The following ATRX variants were observed in gnomAD, a reference collection of about 807,000 sequenced individuals.
ATRX encodes the protein chromatin remodeler ATRX.
ATRX carries 12 observed loss-of-function variants against 172.6 expected under a neutral mutation model. The ratio of observed to expected loss-of-function variants is 0.07; its 90% CI spans 0.04 to 0.11. ATRX has a LOEUF of 0.11. ATRX is among the 10% of genes least tolerant of loss of function. The probability of loss-of-function intolerance (pLI) is 1.00; values close to 1 mark genes in which losing one functional copy is unlikely to be tolerated. For missense variants in ATRX, 1,368 were observed against 1,767.4 expected (o/e 0.77, Z 4.05); for synonymous variants, 674 against 594.7 (o/e 1.13, Z -1.94).
chrX:77,550,542 T>C (rs1019945703), intron 30 of ATRX, among the ~76,000 whole-genome samples: 1 of 111,637 alleles, frequency 9.0e-6, no homozygotes, highest in East Asian at 2.8e-4. Context: ...AGTATTCCCT[T>C]TGAAAACTGG....
chrX:77,557,557 T>TGACGC lies in ATRX; in HGVS notation c.6588_6592dup (p.His2198ArgfsTer6), dbSNP rs1557059656. On this transcript the variant is annotated frameshift_variant, in exon 30 of 35. Coordinates refer to ENST00000373344, the MANE Select transcript of ATRX (RefSeq NM_000489.6). LOFTEE classifies it high-confidence loss of function. ...TTCAGTAAGCTCATTCATAGTAAAA[T>TGACGC]GACGCTCCACCTGCTGCTGATCAAC... The TGACGC allele has an allele frequency of 8.3e-7, 1 of 1,209,734 alleles. No homozygotes were observed. Among genetic ancestry groups the TGACGC allele is most frequent in the Admixed American group, 2.2e-5 (1 of 45,832 alleles).
Position 77,782,126 on chromosome X carries a change from T to C in ATRX, c.20+3856A>G, listed in dbSNP as rs186750473. Among the ~76,000 whole-genome samples, 321 of 112,149 alleles carry C rather than the reference T, an allele frequency of 2.9e-3. 4 individuals carry two copies. Among genetic ancestry groups the C allele is most frequent in the African/African-American group, 0.01 (311 of 30,924 alleles). The stretch of plus-strand genomic sequence containing the variant: ...CCAACCCATTACATAACCAAGCCAT[T>C]GATATTTAAATGCTTTTTAAAAACC... On this transcript the variant is annotated intron_variant, in intron 1 of 34. Coordinates refer to ENST00000373344, the MANE Select transcript of ATRX (RefSeq NM_000489.6).
At chrX:77,558,077 C>T (rs782147373) in intron 29 of ATRX, among the ~76,000 whole-genome samples, 1 of 110,568 alleles carries the variant, frequency 9.0e-6, no homozygotes, top group Admixed American at 9.7e-5. Context: ...CCATAAAATG[C>T]CTTTATATCG....
chrX:77,675,305 T>G (rs1557132843), intron 10 of ATRX: 1 of 111,830 alleles, frequency 8.9e-6, no homozygotes, highest in Admixed American at 9.5e-5. Context: ...GCCCAACTTT[T>G]TCTTCTTAAA....
intron 19 of ATRX, among the ~76,000 whole-genome samples, chrX:77,628,500 C>A (rs1161512982): frequency 1.8e-5 from 2 of 112,221 alleles, no homozygotes; most frequent in African/African-American, 6.5e-5. Flanking sequence ...AATTTTTTTA[C>A]ATAAAAAACC....
chrX:77,519,712 G>A (rs1184034417), intron 34 of ATRX, among the ~76,000 whole-genome samples: 3 of 112,025 alleles, frequency 2.7e-5, no homozygotes, highest in Non-Finnish European at 5.6e-5. Flanking sequence ...TGTTAGTAAC[G>A]TGTATTAGTA....
Position 77,599,789 on chromosome X carries a change from A to C in ATRX, c.5729T>G (p.Phe1910Cys). The C allele has an allele frequency of 8.3e-7, 1 of 1,208,548 alleles. No homozygotes were observed. The highest frequency in any genetic ancestry group is 1.1e-6 in the Non-Finnish European group (1 of 892,951). The change falls in exon 24 of 35, where the codon TTT (phenylalanine) becomes TGT (cysteine). Residue 1910 changes from phenylalanine (F) to cysteine (C), a missense_variant. Physicochemically the swap from Phe to Cys is radical, Grantham distance 205. This residue lies in a region of ATRX where 5 missense variants were observed against 36.2 expected (regional missense o/e 0.14). Transcript: ENST00000373344. ...GYFDEDSMDEFIASDSDETSM... is the reference protein window; with the variant it reads ...GYFDEDSMDECIASDSDETSM... ...GGTTTCATCAGAATCTGAGGCTATA[A>C]ATTCATCCATACTGTCTTCATCAAA... is the stretch of plus-strand genomic sequence containing the variant.
chrX:77,683,538 C>T lies in ATRX; in HGVS notation c.1718G>A (p.Gly573Asp), dbSNP rs2148616214. Residue 573 changes from glycine to aspartate, a missense_variant, in exon 9 of 35, where the codon GGT becomes GAT. By Grantham distance (94) the Gly-to-Asp change is moderately conservative. Coordinates refer to ENST00000373344, the MANE Select transcript of ATRX (RefSeq NM_000489.6). The part of the protein sequence containing the change: ...LNISSKDNRG[G>D]IKSKTTAKVT... The stretch of plus-strand genomic sequence containing the variant: ...TTTAGCTGTAGTTTTTGATTTAATA[C>T]CTCCTCTGTTGTCTTTTGAAGAAAT... 1.7e-6 allele frequency: 2 copies of T among 1,208,880 alleles called. No homozygotes were observed. Among genetic ancestry groups the T allele is most frequent in the Non-Finnish European group, 2.2e-6 (2 of 893,128 alleles).
At chrX:77,661,207 T>C (rs1299267437) in intron 12 of ATRX, among the ~76,000 whole-genome samples, 1 of 112,228 alleles carries the variant, frequency 8.9e-6, no homozygotes, top group African/African-American at 3.2e-5. Flanking sequence ...ATTGATAATG[T>C]GCACTTCTTT....
At position 77,653,004 on chromosome X, in the gene ATRX, T is replaced by TA. The variant is rs554448289; in HGVS notation, c.4318-652dup. On this transcript the variant is annotated intron_variant, in intron 14 of 34. Coordinates refer to ENST00000373344, the MANE Select transcript of ATRX (RefSeq NM_000489.6). ...TCCCACTCATTAGGATGTTTCTTGT[T>TA]AAAAAAAAAAAAAAAAAGAAAAAAA... 4.0e-3 allele frequency among the ~76,000 whole-genome samples: 275 copies of TA among 68,919 alleles called. 1 individual carries two copies. The highest frequency in any genetic ancestry group is 0.021 in the South Asian group (34 of 1,613). 59.8% of individuals were successfully genotyped at this position (68,919 alleles called of 115,157 possible).
chrX:77,687,152 CAAAAAAA>C (rs146268162), intron 7 of ATRX, among the ~76,000 whole-genome samples: 18 of 39,377 alleles, frequency 4.6e-4, no homozygotes, highest in Admixed American at 8.2e-4. Context: ...GACTCCGTCT[CAAAAAAA>C]AAAAAAAAAA....
Position 77,546,236 on chromosome X carries a change from T to A in ATRX, c.6699+11215A>T, listed in dbSNP as rs782475926. 7.2e-5 allele frequency among the ~76,000 whole-genome samples: 8 copies of A among 111,311 alleles called. No individual in the cohort carries two copies. In the Admixed American group the frequency reaches 7.7e-4, roughly 11 times the overall value. Reference sequence around the variant, plus strand: ...TAATTTCATCAGAAAATAGAAAAAATTGTACCTGCTTTGTAAGGATTAAAT... The same window carrying A: ...TAATTTCATCAGAAAATAGAAAAAAATGTACCTGCTTTGTAAGGATTAAAT... On this transcript the variant is annotated intron_variant, in intron 30 of 34. Coordinates refer to ENST00000373344, the MANE Select transcript of ATRX (RefSeq NM_000489.6).
chrX:77,635,791 T>C, intron 16 of ATRX, 124 bp downstream of exon 16: 3 of 589,425 alleles, frequency 5.1e-6, no homozygotes, highest in Non-Finnish European at 2.6e-6. Context: ...AGGGGAATTG[T>C]GGATTCCCCA....
chrX:77,773,675 C>G (rs1557200523), intron 1 of ATRX, among the ~76,000 whole-genome samples: 1 of 109,569 alleles, frequency 9.1e-6, no homozygotes, highest in Non-Finnish European at 1.9e-5. Context: ...TCGCCTGGAC[C>G]CAGGAGGCGG....
chrX:77,773,990 A>C (rs781889380), intron 1 of ATRX, among the ~76,000 whole-genome samples: 1 of 110,845 alleles, frequency 9.0e-6, no homozygotes, highest in South Asian at 3.8e-4. Context: ...TGGGAGTCCG[A>C]GGCGGGCAGA....
At chrX:77,756,504 C>T (rs1047679771) in intron 1 of ATRX, among the ~76,000 whole-genome samples, 2 of 110,852 alleles carry the variant, frequency 1.8e-5, no homozygotes, top group Admixed American at 9.7e-5. Context: ...AAGGAATCTC[C>T]GGGTCTGCGG....
At chrX:77,742,719 T>G (rs1002379328) in intron 1 of ATRX, among the ~76,000 whole-genome samples, 4 of 111,673 alleles carry the variant, frequency 3.6e-5, no homozygotes, top group African/African-American at 1.3e-4. Flanking sequence ...CCAGAAGTGA[T>G]TCCCCAATAT....
intron 22 of ATRX, among the ~76,000 whole-genome samples, chrX:77,605,121 C>T (rs888264156): frequency 8.9e-6 from 1 of 112,298 alleles, no homozygotes; most frequent in African/African-American, 3.2e-5. Flanking sequence ...CAAAATTACA[C>T]ATGTACCCCA....
At position 77,618,705 on chromosome X, in the gene ATRX, G is replaced by A. The variant is rs45442391; in HGVS notation, c.5448+101C>T. On this transcript the variant is annotated intron_variant, in intron 21 of 34. Coordinates refer to ENST00000373344, the MANE Select transcript of ATRX (RefSeq NM_000489.6). ...GTAAAACTATCTACTGAAAGAGCGG[G>A]AAAGAAAACACAAAATTATTAAACT... 3 of 874,046 alleles carry A rather than the reference G, an allele frequency of 3.4e-6. No homozygotes were observed. The Admixed American group carries it at 7.2e-5, about 21-fold the overall frequency. 72.0% of individuals were successfully genotyped at this position (874,046 alleles called of 1,213,427 possible).
Sources: allele counts gnomAD v4.1 joint callset (sites outside exome capture counted in the v4.1 genomes callset), GRCh38; gene constraint gnomAD v4.1.1; regional missense constraint gnomAD v4.1.1; transcripts MANE v1.5; gene names NCBI Gene and HGNC (gene_info 2026-07-23, HGNC 2026-07-21).